The following RFTN1 variants were observed in gnomAD, a reference collection of about 807,000 sequenced individuals.
The protein encoded by RFTN1 is raftlin, lipid raft linker 1.
RFTN1 carries 26 observed loss-of-function variants against 46.5 expected under a neutral mutation model. The ratio of observed to expected loss-of-function variants is 0.56; its 90% CI spans 0.41 to 0.78. The LOEUF (loss-of-function observed/expected upper bound fraction) is 0.78, where lower values mean the gene tolerates loss of function less well. Ranked by LOEUF, RFTN1 falls within the 30% of genes least tolerant of loss-of-function variation. The pLI is 0.00. For missense variants in RFTN1, 693 were observed against 718.7 expected, an observed-to-expected ratio of 0.96 and a Z score of 0.41; for synonymous variants, 261 against 284.2, an observed-to-expected ratio of 0.92 and a Z score of 0.82.
intron 2 of RFTN1, among the ~76,000 whole-genome samples, chr3:16,476,548 A>G (rs1425648939): frequency 1.3e-5 from 2 of 152,188 alleles, no homozygotes; most frequent in Admixed American, 1.3e-4. Flanking sequence ...AAGGTGGTAA[A>G]AGAAGGCCTC....
At chr3:16,404,669 G>A (rs2074808678) in intron 4 of RFTN1, among the ~76,000 whole-genome samples, 1 of 151,820 alleles carries the variant, frequency 6.6e-6, no homozygotes, top group African/African-American at 2.4e-5. Context: ...GTGCATGCCA[G>A]CAACGGCACA....
intron 6 of RFTN1, among the ~76,000 whole-genome samples, chr3:16,366,403 C>T (rs2073173517): frequency 6.6e-6 from 1 of 152,164 alleles, no homozygotes; most frequent in Admixed American, 6.5e-5. Context: ...ATCTCACTGG[C>T]CGACATGTTC....
At position 16,387,570 on chromosome 3, in the gene RFTN1, T is replaced by TCTCTCTCTC. The variant is rs2074222998; in HGVS notation, c.442-9469_442-9468insGAGAGAGAG. Among the ~76,000 whole-genome samples, 6 of 116,418 alleles carry TCTCTCTCTC rather than the reference T, an allele frequency of 5.2e-5. No homozygotes were observed. The highest frequency in any genetic ancestry group is 5.6e-4 in the South Asian group (2 of 3,576). 76.4% of individuals were successfully genotyped at this position (116,418 alleles called of 152,430 possible). ...CACTTCTCTCTTCTATATCCTCAAT[T>TCTCTCTCTC]TCTCTCTCTCTCTCTCTCTCTCTCT... On this transcript the variant is annotated intron_variant, in intron 4 of 9. Transcript: ENST00000334133. The surrounding 1 kb of genome is among the most constrained non-coding windows in gnomAD (Gnocchi z 5.2).
Position 16,407,923 on chromosome 3 carries a change from C to T in RFTN1, c.441+1452G>A, listed in dbSNP as rs1253371042. Among the ~76,000 whole-genome samples the T allele has an allele frequency of 1.3e-5, 2 of 152,128 alleles. No individual in the cohort carries two copies. Among genetic ancestry groups the T allele is most frequent in the African/African-American group, 4.8e-5 (2 of 41,412 alleles). ...CTGGTCTATGGGCCATAGACCCATA[C>T]ATGAGCGGCTACTCCCAGAGTCCCT... On this transcript the variant is annotated intron_variant, in intron 4 of 9. Transcript: ENST00000334133. This position sits in a 1 kb window ranked among gnomAD's most constrained non-coding sequence, Gnocchi z 4.0.
chr3:16,504,529 C>T lies in RFTN1; in HGVS notation c.-9+8913G>A, dbSNP rs2076768765. ...CAGATGTTAAGTATTGCTGCATTTCCCTCAAAGATGTGAAATATCCCTTGG... is the reference window on the plus strand; with the variant it reads ...CAGATGTTAAGTATTGCTGCATTTCTCTCAAAGATGTGAAATATCCCTTGG... On this transcript the variant is annotated intron_variant, in intron 1 of 9. Coordinates refer to ENST00000334133, the MANE Select transcript of RFTN1 (RefSeq NM_015150.2). This position sits in a 1 kb window ranked among gnomAD's most constrained non-coding sequence, Gnocchi z 4.4. 6.6e-6 allele frequency among the ~76,000 whole-genome samples: 1 copy of T among 152,162 alleles called. No individual in the cohort carries two copies. The highest frequency in any genetic ancestry group is 2.4e-5 in the African/African-American group (1 of 41,420).
rs2075305530 is a variant in RFTN1, at chr3:16,427,278, A to T, written c.332+6573T>A. The stretch of plus-strand genomic sequence containing the variant: ...CTAAGGCATTGACTCACTACTTCCC[A>T]AGAGTCCCCATTCAATGAGCCAGGC... On this transcript the variant is annotated intron_variant, in intron 3 of 9. Coordinates refer to ENST00000334133, the MANE Select transcript of RFTN1 (RefSeq NM_015150.2). The surrounding 1 kb of genome is among the most constrained non-coding windows in gnomAD (Gnocchi z 5.4). Among the ~76,000 whole-genome samples, 1 of 152,180 alleles carries T rather than the reference A, an allele frequency of 6.6e-6. No homozygotes were observed. Among genetic ancestry groups the T allele is most frequent in the Non-Finnish European group, 1.5e-5 (1 of 68,026 alleles).
rs1193355347 is a variant in RFTN1 at position 16,316,124 on chromosome 3, G to A, written c.*704C>T. Reference sequence around the variant, plus strand: ...ACAGAAGTAATGTGGTTTGTATGATGTGCTGAGTACAAAACCTTTAAAAAC... The same window carrying A: ...ACAGAAGTAATGTGGTTTGTATGATATGCTGAGTACAAAACCTTTAAAAAC... On this transcript the variant is annotated 3_prime_UTR_variant, in exon 10 of 10. Coordinates refer to ENST00000334133, the MANE Select transcript of RFTN1 (RefSeq NM_015150.2). This position sits in a 1 kb window ranked among gnomAD's most constrained non-coding sequence, Gnocchi z 4.5. 1.3e-5 allele frequency: 2 copies of A among 153,034 alleles called. No individual in the cohort carries two copies. The highest frequency in any genetic ancestry group is 2.4e-5 in the African/African-American group (1 of 41,472). 9.5% of individuals were successfully genotyped at this position (153,034 alleles called of 1,614,324 possible).
Position 16,317,016 on chromosome 3 carries a change from C to T in RFTN1, c.1549G>A (p.Gly517Arg), listed in dbSNP as rs756018597. The T allele has an allele frequency of 7.4e-6, 12 of 1,613,660 alleles. No homozygotes were observed. The Admixed American group carries it at 1.3e-4, about 18-fold the overall frequency. Residue 517 changes from glycine to arginine, a missense_variant, in exon 10 of 10, where the codon GGA becomes AGA. Transcript: ENST00000334133. The surrounding 1 kb of genome is among the most constrained non-coding windows in gnomAD (Gnocchi z 4.3). ...AGGCCACCAGGGGACAGCTGTTCTC[C>T]CTTGTCCTCTTGGACAGGGCCCTTC... is the stretch of plus-strand genomic sequence containing the variant. ...EMKGPVQEDKGEQLSPGGLLC... is the reference protein window; with the variant it reads ...EMKGPVQEDKREQLSPGGLLC...
chr3:16,434,393 C>A (rs6785413), intron 2 of RFTN1, among the ~76,000 whole-genome samples: 8,288 of 113,330 alleles, frequency 0.073, 678 homozygotes, highest in African/African-American at 0.22. Flanking sequence ...AACAAACAAA[C>A]AAAAACAAAA....
At chr3:16,323,261 G>T in intron 9 of RFTN1, 115 bp downstream of exon 9, 1 of 730,682 alleles carries the variant, frequency 1.4e-6, no homozygotes, top group Non-Finnish European at 2.3e-6. Context: ...GGTGTTCCTT[G>T]GGCTCTGCGA....
Position 16,509,640 on chromosome 3 carries a change from C to T in RFTN1, c.-9+3802G>A, listed in dbSNP as rs1270086607. On this transcript the variant is annotated intron_variant, in intron 1 of 9. Coordinates refer to ENST00000334133, the MANE Select transcript of RFTN1 (RefSeq NM_015150.2). The surrounding 1 kb of genome is among the most constrained non-coding windows in gnomAD (Gnocchi z 4.9). ...GAAAGTTTACACTGAACAAAATTTT[C>T]CTAGGCCCAAACCCTTTGAATGTGT... Among the ~76,000 whole-genome samples the T allele has an allele frequency of 1.3e-5, 2 of 152,120 alleles. No individual in the cohort carries two copies. The highest frequency in any genetic ancestry group is 2.9e-5 in the Non-Finnish European group (2 of 68,028).
Position 16,335,900 on chromosome 3 carries a change from G to T in RFTN1, c.1147-9024C>A, listed in dbSNP as rs889874843. 6.6e-6 allele frequency among the ~76,000 whole-genome samples: 1 copy of T among 152,192 alleles called. No individual in the cohort carries two copies. Among genetic ancestry groups the T allele is most frequent in the Non-Finnish European group, 1.5e-5 (1 of 68,022 alleles). Reference sequence around the variant, plus strand: ...CTCAGGAGGCCACAGGCAGGACTCCGCAGGAGGGAAGTGGCCGACAGCAAG... The same window carrying T: ...CTCAGGAGGCCACAGGCAGGACTCCTCAGGAGGGAAGTGGCCGACAGCAAG... On this transcript the variant is annotated intron_variant, in intron 7 of 9. Transcript: ENST00000334133. This position sits in a 1 kb window ranked among gnomAD's most constrained non-coding sequence, Gnocchi z 4.7.
intron 3 of RFTN1, among the ~76,000 whole-genome samples, chr3:16,419,207 C>G (rs567824816): frequency 6.6e-6 from 1 of 152,266 alleles, no homozygotes; most frequent in African/African-American, 2.4e-5. Context: ...GCCTAGGGAA[C>G]GTGTGGGTGA....
At position 16,345,804 on chromosome 3, in the gene RFTN1, G is replaced by A. The variant is rs1404430953; in HGVS notation, c.1146+12128C>T. Among the ~76,000 whole-genome samples the A allele has an allele frequency of 1.2e-5, 1 of 85,164 alleles. No homozygotes were observed. Among genetic ancestry groups the A allele is most frequent in the Non-Finnish European group, 2.3e-5 (1 of 44,328 alleles). The allele number at this position is 85,164 out of a possible 152,430, so 55.9% of individuals were successfully genotyped here. A position where few individuals can be genotyped will look rare whatever the true frequency, so the allele number is the denominator to read the frequency against. ...AATAAATCTCTGTGTGTGTGTGTGT[G>A]TGTGTGTGTGTGTGCGCGCGCGCGT... is the stretch of plus-strand genomic sequence containing the variant. On this transcript the variant is annotated intron_variant, in intron 7 of 9. Transcript: ENST00000334133. This position sits in a 1 kb window ranked among gnomAD's most constrained non-coding sequence, Gnocchi z 5.2.
rs17042167 is a variant in RFTN1 at position 16,342,725 on chromosome 3, G to A, written c.1146+15207C>T. 0.013 allele frequency among the ~76,000 whole-genome samples: 1,948 copies of A among 152,302 alleles called. 51 individuals are homozygous for A. The highest frequency in any genetic ancestry group is 0.043 in the African/African-American group (1,794 of 41,568). On this transcript the variant is annotated intron_variant, in intron 7 of 9. Transcript: ENST00000334133. The surrounding 1 kb of genome is among the most constrained non-coding windows in gnomAD (Gnocchi z 4.0). ...CCAAGCCTAATTTGCCACTTCACCC[G>A]AAAAGGATGTTTAAAGAGGCCACTG... is the stretch of plus-strand genomic sequence containing the variant.
Position 16,512,735 on chromosome 3 carries a change from C to G in RFTN1, c.-9+707G>C, listed in dbSNP as rs2076922521. On this transcript the variant is annotated intron_variant, in intron 1 of 9. Transcript: ENST00000334133. This position sits in a 1 kb window ranked among gnomAD's most constrained non-coding sequence, Gnocchi z 4.3. ...CCCAGACCCATATCCATCCTGGCGTCCCTTGAGTCTAGAGAAGTGGGTTAA... is the reference window on the plus strand; with the variant it reads ...CCCAGACCCATATCCATCCTGGCGTGCCTTGAGTCTAGAGAAGTGGGTTAA... 1 of 152,380 alleles carries G rather than the reference C, an allele frequency of 6.6e-6. No individual in the cohort carries two copies. Among genetic ancestry groups the G allele is most frequent in the Admixed American group, 6.5e-5 (1 of 15,288 alleles). The allele number at this position is 152,380 out of a possible 1,614,324, so 9.4% of individuals were successfully genotyped here.
chr3:16,463,925 T>C (rs893775916), intron 2 of RFTN1, among the ~76,000 whole-genome samples: 2 of 152,196 alleles, frequency 1.3e-5, no homozygotes, highest in African/African-American at 2.4e-5. Flanking sequence ...TTACACCCTT[T>C]GCTAGGACTT....
rs1281847550 is a variant in RFTN1, at chr3:16,380,386, C to G, written c.442-2284G>C. Reference sequence around the variant, plus strand: ...GGCTTCTGCGGCCCTGCAGAGACTGCTGTCATCTAGAGTGAAGAGGCGAGG... The same window carrying G: ...GGCTTCTGCGGCCCTGCAGAGACTGGTGTCATCTAGAGTGAAGAGGCGAGG... On this transcript the variant is annotated intron_variant, in intron 4 of 9. Transcript: ENST00000334133. The surrounding 1 kb of genome is among the most constrained non-coding windows in gnomAD (Gnocchi z 4.8). Among the ~76,000 whole-genome samples, 1 of 152,216 alleles carries G rather than the reference C, an allele frequency of 6.6e-6. No individual in the cohort carries two copies. The highest frequency in any genetic ancestry group is 6.5e-5 in the Admixed American group (1 of 15,276).
At chr3:16,487,902 C>G (rs542755038) in intron 2 of RFTN1, among the ~76,000 whole-genome samples, 1 of 152,260 alleles carries the variant, frequency 6.6e-6, no homozygotes, top group South Asian at 2.1e-4. Context: ...CCTCGGTGAC[C>G]AGAGTTAATT....
Sources: allele counts gnomAD v4.1 joint callset (sites outside exome capture counted in the v4.1 genomes callset), GRCh38; gene constraint gnomAD v4.1.1; non-coding constraint Gnocchi (gnomAD v3.1); transcripts MANE v1.5; gene names NCBI Gene and HGNC (gene_info 2026-07-23, HGNC 2026-07-21).